Variants in SMAD1 observed in about 807,000 individuals in gnomAD.
SMAD1 encodes SMAD family member 1, also known as MAD, mothers against decapentaplegic homolog 1.
SMAD1 carries 6 observed loss-of-function variants against 41.6 expected under a neutral mutation model. The ratio of observed to expected loss-of-function variants is 0.14; its 90% confidence interval spans 0.08 to 0.28. SMAD1 has a LOEUF of 0.28. SMAD1 is among the 10% of genes least tolerant of loss of function. The probability of loss-of-function intolerance (pLI) is 1.00; values close to 1 mark genes in which losing one functional copy is unlikely to be tolerated. For missense variants in SMAD1, 379 were observed against 582.6 expected (o/e 0.65, Z 3.60); for synonymous variants, 206 against 203.2 (o/e 1.01, Z -0.12).
chr4:145,497,831 T>G (rs1346679442), intron 1 of SMAD1: 2 of 152,242 alleles, frequency 1.3e-5, no homozygotes, highest in Non-Finnish European at 2.9e-5. Context: ...TTTGCTTCTT[T>G]TAGCTCTTAG....
At chr4:145,506,229 A>G (rs1204343818) in intron 1 of SMAD1, among the ~76,000 whole-genome samples, 3 of 152,226 alleles carry the variant, frequency 2.0e-5, no homozygotes, top group Non-Finnish European at 4.4e-5. Flanking sequence ...AAGTTAATCA[A>G]TACCCTGTAC....
intron 3 of SMAD1, among the ~76,000 whole-genome samples, chr4:145,541,944 AGAAAC>A (rs1192762626): frequency 6.6e-6 from 1 of 152,270 alleles, no homozygotes. Flanking sequence ...ATTTGCCAGA[AGAAAC>A]ATATATGTAA....
intron 2 of SMAD1, among the ~76,000 whole-genome samples, chr4:145,529,277 A>G (rs1731197462): frequency 1.3e-5 from 2 of 152,068 alleles, no homozygotes; most frequent in Admixed American, 1.3e-4. Flanking sequence ...TTCTACCTCT[A>G]ACAACTCTCG....
chr4:145,487,292 C>G (rs900829132), intron 1 of SMAD1, among the ~76,000 whole-genome samples: 1 of 151,914 alleles, frequency 6.6e-6, no homozygotes, highest in African/African-American at 2.4e-5. Context: ...ATTTAGGGAG[C>G]TAGGGAGTCC....
chr4:145,505,665 A>G lies in SMAD1; in HGVS notation c.-176-8773A>G, dbSNP rs969056398. 2.6e-5 allele frequency among the ~76,000 whole-genome samples: 4 copies of G among 151,478 alleles called. No individual in the cohort carries two copies. In the East Asian group the frequency reaches 7.8e-4, roughly 29 times the overall value. On this transcript the variant is annotated intron_variant, in intron 1 of 6. Coordinates refer to ENST00000302085, the MANE Select transcript of SMAD1 (RefSeq NM_005900.3). ...ACTACAAAATTCATGCAGTTTGCTTATAATCACTCTGAAGCCCACCATAGG... is the reference window on the plus strand; with the variant it reads ...ACTACAAAATTCATGCAGTTTGCTTGTAATCACTCTGAAGCCCACCATAGG...
At chr4:145,542,293 G>T (rs567488065) in intron 3 of SMAD1, among the ~76,000 whole-genome samples, 3 of 152,342 alleles carry the variant, frequency 2.0e-5, no homozygotes, top group South Asian at 4.1e-4. Flanking sequence ...ATACTCTTCT[G>T]ATTGCTTTTA....
chr4:145,489,430 C>G (rs923352975), intron 1 of SMAD1, among the ~76,000 whole-genome samples: 6 of 152,046 alleles, frequency 3.9e-5, no homozygotes, highest in African/African-American at 1.4e-4. Context: ...GATGATAAAT[C>G]TCTGGTAAAG....
intron 2 of SMAD1, among the ~76,000 whole-genome samples, chr4:145,522,545 G>A (rs1730802646): frequency 6.6e-6 from 1 of 152,086 alleles, no homozygotes; most frequent in African/African-American, 2.4e-5. Flanking sequence ...GTTGTGGTGA[G>A]CCAAGATTGT....
intron 5 of SMAD1, among the ~76,000 whole-genome samples, chr4:145,549,594 T>G (rs1461694680): frequency 6.6e-6 from 1 of 152,212 alleles, no homozygotes; most frequent in African/African-American, 2.4e-5. Context: ...TTTTTCTTTG[T>G]TCCCTTTCAA....
chr4:145,514,584 T>C lies in SMAD1; in HGVS notation c.-30T>C. The stretch of plus-strand genomic sequence containing the variant: ...ATTTGGAGACAGCTTTATTTCACCA[T>C]ATCCAAGGAGTATAACTAGTGCTGT... On this transcript the variant is annotated 5_prime_UTR_variant, in exon 2 of 7. Transcript: ENST00000302085. The surrounding 1 kb of genome is among the most constrained non-coding windows in gnomAD (Gnocchi z 4.7). The C allele has an allele frequency of 6.5e-7, 1 of 1,542,562 alleles. No homozygotes were observed. The highest frequency in any genetic ancestry group is 8.7e-7 in the Non-Finnish European group (1 of 1,146,980).
intron 1 of SMAD1, among the ~76,000 whole-genome samples, chr4:145,493,008 C>G (rs1405321910): frequency 1.3e-5 from 2 of 152,236 alleles, no homozygotes; most frequent in Non-Finnish European, 2.9e-5. Context: ...CGTCTTCTGT[C>G]TTACCATCTC....
intron 2 of SMAD1, among the ~76,000 whole-genome samples, chr4:145,531,302 G>C (rs1731308427): frequency 6.6e-6 from 1 of 152,138 alleles, no homozygotes; most frequent in African/African-American, 2.4e-5. Context: ...CTTCCTACTT[G>C]AAGTGTCTCT....
intron 1 of SMAD1, among the ~76,000 whole-genome samples, chr4:145,502,283 C>G (rs1728143185): frequency 1.3e-5 from 2 of 152,072 alleles, no homozygotes; most frequent in Non-Finnish European, 2.9e-5. Flanking sequence ...GAAAGGCTAC[C>G]GTGTCCTGAA....
intron 1 of SMAD1, among the ~76,000 whole-genome samples, chr4:145,505,616 CAA>C (rs542570974): frequency 0.14 from 13,670 of 95,482 alleles, 1,162 homozygotes; most frequent in African/African-American, 0.27. Flanking sequence ...AAGACTCTGT[CAA>C]AAAAAAAAAA....
chr4:145,502,616 G>T lies in SMAD1; in HGVS notation c.-176-11822G>T, dbSNP rs192024655. ...AGAACCAGAAAGAACTCTTTTTAAA[G>T]AATTTTCTGATATAATGAAGATACG... On this transcript the variant is annotated intron_variant, in intron 1 of 6. Transcript: ENST00000302085. Among the ~76,000 whole-genome samples the T allele has an allele frequency of 3.3e-5, 5 of 152,298 alleles. No individual in the cohort carries two copies. The East Asian group carries it at 9.6e-4, about 29-fold the overall frequency.
rs1229406859 is a variant in SMAD1, at chr4:145,539,950, C to A, written c.547C>A (p.Pro183Thr). The A allele has an allele frequency of 6.2e-7, 1 of 1,614,014 alleles. No individual in the cohort carries two copies. Among genetic ancestry groups the A allele is most frequent in the South Asian group, 1.1e-5 (1 of 91,074 alleles). ...PDSFQQPNSH[P>T]FPHSPNSSYP... ...TTCTTTCCAGCAACCCAACAGCCAC[C>A]CGTTTCCTCACTCTCCCAATAGCAG... Residue 183 changes from proline (P) to threonine (T), a missense_variant, in exon 3 of 7, where the codon CCG becomes ACG. By Grantham distance (38) the Pro-to-Thr change is conservative. Coordinates refer to ENST00000302085, the MANE Select transcript of SMAD1 (RefSeq NM_005900.3).
At chr4:145,556,783 TG>T (rs1732861665) in intron 6 of SMAD1, among the ~76,000 whole-genome samples, 1 of 152,152 alleles carries the variant, frequency 6.6e-6, no homozygotes, top group Non-Finnish European at 1.5e-5. Context: ...TTCCGCCTCC[TG>T]GATTCAAGTG....
chr4:145,502,355 T>A (rs1729490870), intron 1 of SMAD1, among the ~76,000 whole-genome samples: 1 of 152,216 alleles, frequency 6.6e-6, no homozygotes, highest in Non-Finnish European at 1.5e-5. Flanking sequence ...TAAGGAATGT[T>A]GTACAACTTT....
intron 1 of SMAD1, among the ~76,000 whole-genome samples, chr4:145,493,416 A>C (rs1232202558): frequency 6.6e-6 from 1 of 152,146 alleles, no homozygotes; most frequent in East Asian, 1.9e-4. Flanking sequence ...ATATTTAATA[A>C]CAACCTCTTT....
Sources: allele counts gnomAD v4.1 joint callset (sites outside exome capture counted in the v4.1 genomes callset), GRCh38; gene constraint gnomAD v4.1.1; non-coding constraint Gnocchi (gnomAD v3.1); transcripts MANE v1.5; gene names NCBI Gene and HGNC (gene_info 2026-07-23, HGNC 2026-07-21).